SEZ6L2: variants seen among roughly 807,000 people sequenced by gnomAD.
SEZ6L2 encodes seizure related 6 homolog like 2.
In SEZ6L2, 44 loss-of-function variants were observed where a neutral mutation model predicts 97.0. The observed-to-expected ratio is 0.45, with a 90% CI of 0.36 to 0.58. The LOEUF is 0.58. SEZ6L2 is among the 20% of genes least tolerant of loss of function. SEZ6L2 has a pLI of 0.00. For missense variants in SEZ6L2, 1,086 were observed against 1,233.3 expected, an observed-to-expected ratio of 0.88 and a Z score of 1.79; for synonymous variants, 543 against 546.1, an observed-to-expected ratio of 0.99 and a Z score of 0.08.
In SEZ6L2 at chr16:29,897,202, G is replaced by A. The variant is rs963050510; in HGVS notation, c.212-81C>T. The A allele has an allele frequency of 1.4e-5, 17 of 1,230,870 alleles. No homozygotes were observed. The African/African-American group carries it at 2.0e-4, about 14-fold the overall frequency. 76.2% of individuals were successfully genotyped at this position (1,230,870 alleles called of 1,614,324 possible). On this transcript the variant is annotated intron_variant, in intron 2 of 17. Transcript: ENST00000617533. ...TGGGGAGCAGGGCTGAGGGAAGCTAGGGGTTCCCCTGCCATACCACAAAAG... is the reference window on the plus strand; with the variant it reads ...TGGGGAGCAGGGCTGAGGGAAGCTAAGGGTTCCCCTGCCATACCACAAAAG...
At position 29,876,569 on chromosome 16, in the gene SEZ6L2, A is replaced by G. The variant is rs1213253217; in HGVS notation, c.2104+187T>C. On this transcript the variant is annotated intron_variant, in intron 12 of 17. Coordinates refer to ENST00000617533, the MANE Select transcript of SEZ6L2 (RefSeq NM_001243332.2). The surrounding 1 kb of genome is among the most constrained non-coding windows in gnomAD (Gnocchi z 6.5). ...GATGAGAGGGAGACCCAGAGGGGAC[A>G]GTTTCGGGGAACCGGGCGGAGGAGT... Among the ~76,000 whole-genome samples, 5 of 152,030 alleles carry G rather than the reference A, an allele frequency of 3.3e-5. No individual in the cohort carries two copies. Among genetic ancestry groups the G allele is most frequent in the Non-Finnish European group, 7.4e-5 (5 of 68,010 alleles).
rs2150784194 is a variant in SEZ6L2, at chr16:29,877,379, G to C, written c.1801C>G (p.Pro601Ala). 6.2e-7 allele frequency: 1 copy of C among 1,613,388 alleles called. No individual in the cohort carries two copies. Among genetic ancestry groups the C allele is most frequent in the East Asian group, 2.2e-5 (1 of 44,874 alleles). Residue 601 changes from proline (P) to alanine (A), a missense_variant, in exon 11 of 18, where the codon CCG (proline) becomes GCG (alanine). Pro to Ala is a conservative substitution (Grantham distance 27). Transcript: ENST00000617533. Reference sequence around the variant, plus strand: ...CCAGAGGAGAGAAGGCGGCGGCGCGGCTGAGGTCCCCGCAGCTGGGCCAAG... The same window carrying C: ...CCAGAGGAGAGAAGGCGGCGGCGCGCCTGAGGTCCCCGCAGCTGGGCCAAG... ...RVLAQLRGPQPRRRLLSSGPD... is the reference protein window; with the variant it reads ...RVLAQLRGPQARRRLLSSGPD...
intron 5 of SEZ6L2, among the ~76,000 whole-genome samples, chr16:29,890,111 G>A (rs979051490): frequency 6.6e-6 from 1 of 152,068 alleles, no homozygotes; most frequent in Non-Finnish European, 1.5e-5. Context: ...ATTTTACCAT[G>A]TTGGCCAGGG....
chr16:29,872,987 C>T (rs537952713), intron 14 of SEZ6L2, among the ~76,000 whole-genome samples: 174 of 152,312 alleles, frequency 1.1e-3, no homozygotes, highest in Non-Finnish European at 2.1e-3. Flanking sequence ...AACTTGTCAG[C>T]GATAGGGAAA....
chr16:29,871,430 CAG>C lies in SEZ6L2; in HGVS notation c.*267_*268del. On this transcript the variant is annotated 3_prime_UTR_variant, in exon 18 of 18. Coordinates refer to ENST00000617533, the MANE Select transcript of SEZ6L2 (RefSeq NM_001243332.2). ...AGGGGCTGCAAGATTTGCAGGGAGG[CAG>C]AGTTCCCCTCCCAGAATCCAAAAGC... The C allele has an allele frequency of 1.8e-6, 1 of 565,706 alleles. No homozygotes were observed. Among genetic ancestry groups the C allele is most frequent in the Non-Finnish European group, 3.2e-6 (1 of 315,248 alleles). The allele number at this position is 565,706 out of a possible 1,614,324, so 35.0% of individuals were successfully genotyped here. A position where few individuals can be genotyped will look rare whatever the true frequency, so the allele number is the denominator to read the frequency against.
intron 9 of SEZ6L2, among the ~76,000 whole-genome samples, chr16:29,878,715 G>C (rs534501531): frequency 8.1e-4 from 122 of 150,356 alleles, no homozygotes; most frequent in African/African-American, 2.8e-3. Context: ...CTCCCGAGTA[G>C]CTGGGACTAC....
At chr16:29,889,073 G>A (rs535430566) in intron 5 of SEZ6L2, among the ~76,000 whole-genome samples, 30 of 123,002 alleles carry the variant, frequency 2.4e-4, no homozygotes, top group Admixed American at 6.6e-4. Context: ...TCATCCAGCT[G>A]TAATAACAGT....
At chr16:29,883,038 A>C (rs1056117311) in intron 8 of SEZ6L2, among the ~76,000 whole-genome samples, 8 of 152,286 alleles carry the variant, frequency 5.3e-5, no homozygotes, top group Middle Eastern at 3.4e-3. Context: ...ATTTTTGCAG[A>C]TCCACTGTTC....
Position 29,896,837 on chromosome 16 carries a change from T to C in SEZ6L2, c.496A>G (p.Thr166Ala). Reference protein sequence around the residue: ...TIITTTTVTTTVTSPVLCNNN... With the variant: ...TIITTTTVTTAVTSPVLCNNN... Reference sequence around the variant, plus strand: ...GTCGCCTCACCTGGGCTGGTCACCGTAGTGGTAACAGTTGTCGTGGTGATG... The same window carrying C: ...GTCGCCTCACCTGGGCTGGTCACCGCAGTGGTAACAGTTGTCGTGGTGATG... Residue 166 changes from threonine (T) to alanine (A), a missense_variant, in exon 3 of 18, where the codon ACG becomes GCG. Thr to Ala is a moderately conservative substitution (Grantham distance 58). This residue lies in a region of SEZ6L2 where 776 missense variants were observed against 794.7 expected (regional missense o/e 0.98). Coordinates refer to ENST00000617533, the MANE Select transcript of SEZ6L2 (RefSeq NM_001243332.2). 1.9e-6 allele frequency: 3 copies of C among 1,614,042 alleles called. No homozygotes were observed. The highest frequency in any genetic ancestry group is 1.3e-5 in the African/African-American group (1 of 75,046).
At chr16:29,877,526 T>G (rs141657357) in intron 10 of SEZ6L2, 59 bp from the exon 11 acceptor site, 3 of 1,456,496 alleles carry the variant, frequency 2.1e-6, no homozygotes, top group African/African-American at 1.4e-5. Context: ...CCCATCCAGC[T>G]CTGCCCCATC....
At chr16:29,896,713 C>T in intron 3 of SEZ6L2, 109 bp downstream of exon 3, 1 of 847,612 alleles carries the variant, frequency 1.2e-6, no homozygotes, top group Non-Finnish European at 1.9e-6. Flanking sequence ...TATTATTCTC[C>T]CATCTGTACC....
chr16:29,895,600 GT>G, intron 4 of SEZ6L2, 120 bp downstream of exon 4: 1 of 1,430,910 alleles, frequency 7.0e-7, no homozygotes, highest in African/African-American at 1.4e-5. Flanking sequence ...ATCTAGAAGA[GT>G]TTTTGAGGTC....
At chr16:29,896,369 T>C (rs907074608) in intron 3 of SEZ6L2, among the ~76,000 whole-genome samples, 9 of 152,102 alleles carry the variant, frequency 5.9e-5, no homozygotes, top group Non-Finnish European at 1.2e-4. Context: ...AACCTCCACC[T>C]CCCGGGTTCA....
chr16:29,890,963 A>G, intron 5 of SEZ6L2, among the ~76,000 whole-genome samples: 1 of 150,550 alleles, frequency 6.6e-6, no homozygotes, highest in East Asian at 2.0e-4. Flanking sequence ...ATTTTTTGAG[A>G]CGGAGTATTG....
At chr16:29,895,987 G>C in intron 3 of SEZ6L2, 127 bp from the exon 4 acceptor site, 1 of 1,020,072 alleles carries the variant, frequency 9.8e-7, no homozygotes, top group Non-Finnish European at 1.4e-6. Flanking sequence ...GTTTGAGACA[G>C]GGTCTCGCTC....
Position 29,876,721 on chromosome 16 carries a change from G to C in SEZ6L2, c.2104+35C>G, listed in dbSNP as rs1329456032. 1 of 1,503,934 alleles carries C rather than the reference G, an allele frequency of 6.6e-7. No homozygotes were observed. The highest frequency in any genetic ancestry group is 2.0e-5 in the Admixed American group (1 of 49,718). 93.2% of individuals were successfully genotyped at this position (1,503,934 alleles called of 1,614,324 possible). A position where few individuals can be genotyped will look rare whatever the true frequency, so the allele number is the denominator to read the frequency against. On this transcript the variant is annotated intron_variant, in intron 12 of 17. Coordinates refer to ENST00000617533, the MANE Select transcript of SEZ6L2 (RefSeq NM_001243332.2). This position sits in a 1 kb window ranked among gnomAD's most constrained non-coding sequence, Gnocchi z 6.5. The stretch of plus-strand genomic sequence containing the variant: ...CGACGACGGGGCCCACAGGGAAGGG[G>C]CGGGGCCGAGGGGACGCGGGCGGGG...
intron 2 of SEZ6L2, 142 bp downstream of exon 2, chr16:29,897,711 G>A: frequency 9.8e-7 from 1 of 1,017,126 alleles, no homozygotes; most frequent in South Asian, 1.8e-5. Flanking sequence ...CTCGTTCTGT[G>A]TTCCCTGAAT....
chr16:29,896,851 G>A lies in SEZ6L2; in HGVS notation c.482C>T (p.Thr161Ile). The change falls in exon 3 of 18, where the codon ACA becomes ATA. Residue 161 changes from threonine to isoleucine, a missense_variant. By Grantham distance (89) the Thr-to-Ile change is moderately conservative. Around this residue, in one of 2 missense-constraint regions of SEZ6L2, gnomAD observed 776 missense variants for 794.7 expected, o/e 0.98. Transcript: ENST00000617533. ...EETTTTIITT[T>I]TVTTTVTSPV... ...GCTGGTCACCGTAGTGGTAACAGTTGTCGTGGTGATGATGGTGGTCGTCGT... is the reference window on the plus strand; with the variant it reads ...GCTGGTCACCGTAGTGGTAACAGTTATCGTGGTGATGATGGTGGTCGTCGT... The A allele has an allele frequency of 6.2e-7, 1 of 1,614,118 alleles. No individual in the cohort carries two copies. Among genetic ancestry groups the A allele is most frequent in the Non-Finnish European group, 8.5e-7 (1 of 1,179,998 alleles).
chr16:29,888,516 C>T, intron 6 of SEZ6L2, 24 bp downstream of exon 6: 1 of 1,609,134 alleles, frequency 6.2e-7, no homozygotes. Flanking sequence ...ACAGATGCCC[C>T]ACCCACTGTG....
Sources: gnomAD v4.1 joint callset for allele counts (sites outside exome capture counted in the v4.1 genomes callset) on GRCh38, gnomAD v4.1.1 for gene constraint, gnomAD v4.1.1 regional missense constraint, Gnocchi (gnomAD v3.1) non-coding constraint, MANE v1.5 for transcripts, NCBI Gene and HGNC (gene_info 2026-07-23, HGNC 2026-07-21) for gene names.